The following BCAR3 variants were observed in gnomAD, a reference collection of about 807,000 sequenced individuals.
BCAR3 encodes BCAR3 adaptor protein, NSP family member, also known as breast cancer anti-estrogen resistance protein 3.
A neutral mutation model predicts 80.1 loss-of-function variants in BCAR3; 37 were observed. The observed-to-expected ratio is 0.46, with a 90% CI of 0.36 to 0.61. BCAR3 has a LOEUF of 0.61. Among genes scored for constraint, BCAR3 ranks in the 20% least tolerant of loss-of-function variants. BCAR3 has a pLI of 0.00. For missense variants in BCAR3, 978 were observed against 1,068.2 expected (o/e 0.92, Z 1.18); for synonymous variants, 389 against 418.9 (o/e 0.93, Z 0.87).
chr1:93,671,562 C>T (rs140789939), intron 2 of BCAR3, among the ~76,000 whole-genome samples: 2,527 of 152,102 alleles, frequency 0.017, 38 homozygotes, highest in Middle Eastern at 0.034. Context: ...GAATTCACTA[C>T]GAAAAGAAAA....
rs1207439516 is a variant in BCAR3 at position 93,562,103 on chromosome 1, C to T, written c.*138G>A. On this transcript the variant is annotated 3_prime_UTR_variant, in exon 12 of 12. Coordinates refer to ENST00000260502, the MANE Select transcript of BCAR3 (RefSeq NM_003567.4). ...ATAAGTGTGCTCTGTGCAATTTACA[C>T]GTTTAATATCCTGTGGATACTAAAA... The T allele has an allele frequency of 2.7e-5, 22 of 819,794 alleles. No individual in the cohort carries two copies. Among genetic ancestry groups the T allele is most frequent in the Non-Finnish European group, 3.5e-5 (19 of 547,488 alleles). 50.8% of individuals were successfully genotyped at this position (819,794 alleles called of 1,614,324 possible).
intron 2 of BCAR3, among the ~76,000 whole-genome samples, chr1:93,754,647 G>A (rs1185450684): frequency 6.6e-6 from 1 of 152,182 alleles, no homozygotes; most frequent in South Asian, 2.1e-4. Context: ...CATAGCTGTG[G>A]TAACATCGCA....
intron 2 of BCAR3, among the ~76,000 whole-genome samples, chr1:93,844,564 C>T (rs1255051792): frequency 6.6e-6 from 1 of 152,138 alleles, no homozygotes; most frequent in African/African-American, 2.4e-5. Flanking sequence ...AAGACAACAC[C>T]CACTGAATCT....
chr1:93,631,606 G>A (rs1675622379), intron 3 of BCAR3, among the ~76,000 whole-genome samples: 1 of 152,188 alleles, frequency 6.6e-6, no homozygotes, highest in Non-Finnish European at 1.5e-5. Context: ...AGTCCCGTCA[G>A]AAGCCACAGT....
intron 3 of BCAR3, among the ~76,000 whole-genome samples, chr1:93,639,018 T>C (rs1675893909): frequency 6.6e-6 from 1 of 152,140 alleles, no homozygotes; most frequent in Non-Finnish European, 1.5e-5. Context: ...CACATCCAAA[T>C]ATCAAATTGA....
intron 9 of BCAR3, 62 bp from the exon 10 acceptor site, chr1:93,567,913 G>T: frequency 1.4e-6 from 2 of 1,414,628 alleles, no homozygotes; most frequent in Non-Finnish European, 2.0e-6. Flanking sequence ...GTGGCTGGGC[G>T]TGGTAGCTCA....
At chr1:93,819,385 C>T (rs1175386546) in intron 2 of BCAR3, among the ~76,000 whole-genome samples, 2 of 152,186 alleles carry the variant, frequency 1.3e-5, no homozygotes, top group East Asian at 3.9e-4. Flanking sequence ...TTTAAACTGA[C>T]TTTGCTAACC....
chr1:93,839,597 T>C (rs1055151059), intron 2 of BCAR3, among the ~76,000 whole-genome samples: 12 of 152,226 alleles, frequency 7.9e-5, no homozygotes, highest in South Asian at 4.1e-4. Flanking sequence ...TTCATCTGCC[T>C]CTTTTAGATT....
At position 93,706,392 on chromosome 1, in the gene BCAR3, C is replaced by T. The variant is rs137985009; in HGVS notation, c.-62-250G>A. On this transcript the variant is annotated intron_variant, in intron 2 of 13. Coordinates refer to the BCAR3 transcript ENST00000370244. Reference sequence around the variant, plus strand: ...TACAATTAATTACAAATAACAGTGACTCACAGGACAGCAGTTCCCTTATTT... The same window carrying T: ...TACAATTAATTACAAATAACAGTGATTCACAGGACAGCAGTTCCCTTATTT... Among the ~76,000 whole-genome samples, 29 of 152,264 alleles carry T rather than the reference C, an allele frequency of 1.9e-4. No individual in the cohort carries two copies. In the East Asian group the frequency reaches 5.4e-3, roughly 28 times the overall value.
chr1:93,717,293 C>T (rs895947493), intron 2 of BCAR3, among the ~76,000 whole-genome samples: 1 of 152,190 alleles, frequency 6.6e-6, no homozygotes, highest in Non-Finnish European at 1.5e-5. Flanking sequence ...CAGCTGAGCC[C>T]AGCCAAAATT....
At chr1:93,796,909 G>A (rs772880865) in intron 2 of BCAR3, among the ~76,000 whole-genome samples, 13 of 152,040 alleles carry the variant, frequency 8.6e-5, no homozygotes, top group South Asian at 2.1e-4. Context: ...GGGAGAACAC[G>A]GGTATTATTA....
At chr1:93,722,654 C>T (rs148787217) in intron 2 of BCAR3, among the ~76,000 whole-genome samples, 132 of 152,284 alleles carry the variant, frequency 8.7e-4, no homozygotes, top group African/African-American at 3.2e-3. Context: ...AATCCTCTTG[C>T]CTAAGTCCCA....
In BCAR3 at chr1:93,630,310, G is replaced by A. The variant is rs11811673; in HGVS notation, c.357+11994C>T. 4.7e-3 allele frequency among the ~76,000 whole-genome samples: 713 copies of A among 152,252 alleles called. 9 individuals carry two copies. Among genetic ancestry groups the A allele is most frequent in the African/African-American group, 0.016 (677 of 41,550 alleles). On this transcript the variant is annotated intron_variant, in intron 3 of 11. Coordinates refer to ENST00000260502, the MANE Select transcript of BCAR3 (RefSeq NM_003567.4). ...TTGTCCTCAGGACTCACATGCTAGTGAGAAGTCTTATTTTTAAAAGTAAAC... is the reference window on the plus strand; with the variant it reads ...TTGTCCTCAGGACTCACATGCTAGTAAGAAGTCTTATTTTTAAAAGTAAAC...
intron 3 of BCAR3, among the ~76,000 whole-genome samples, chr1:93,615,998 C>T (rs1023348757): frequency 5.9e-5 from 9 of 152,186 alleles, no homozygotes; most frequent in Admixed American, 5.9e-4. Flanking sequence ...ACCCTTCCCC[C>T]AGAAATCGTG....
intron 11 of BCAR3, among the ~76,000 whole-genome samples, chr1:93,565,266 A>G (rs942216328): frequency 2.6e-5 from 4 of 152,088 alleles, no homozygotes; most frequent in Non-Finnish European, 4.4e-5. Context: ...GGGTTTTGCC[A>G]TGTTGTCCAG....
intron 3 of BCAR3, among the ~76,000 whole-genome samples, chr1:93,640,692 G>A (rs887610100): frequency 2.0e-5 from 3 of 152,336 alleles, no homozygotes; most frequent in Admixed American, 2.0e-4. Context: ...TCATAAATGA[G>A]ATGCAATAGC....
intron 2 of BCAR3, among the ~76,000 whole-genome samples, chr1:93,727,412 G>A (rs1344537908): frequency 6.6e-6 from 1 of 152,096 alleles, no homozygotes; most frequent in Non-Finnish European, 1.5e-5. Context: ...CTTGAATTTG[G>A]GTCAGAAAAG....
chr1:93,810,871 T>C (rs1201617367), intron 2 of BCAR3, among the ~76,000 whole-genome samples: 4 of 152,214 alleles, frequency 2.6e-5, no homozygotes, highest in African/African-American at 9.6e-5. Flanking sequence ...ATTTGGTTCA[T>C]TGGTTCATCT....
intron 2 of BCAR3, among the ~76,000 whole-genome samples, chr1:93,745,639 T>A (rs186100723): frequency 2.0e-5 from 3 of 152,320 alleles, no homozygotes; most frequent in Admixed American, 2.0e-4. Context: ...TCTCATCTTG[T>A]CTCTTCCAGG....
Sources: allele counts gnomAD v4.1 joint callset (sites outside exome capture counted in the v4.1 genomes callset), GRCh38; gene constraint gnomAD v4.1.1; transcripts MANE v1.5; gene names NCBI Gene and HGNC (gene_info 2026-07-23, HGNC 2026-07-21).